EYA1: variants seen among roughly 807,000 people sequenced by gnomAD.
EYA1 encodes the protein protein phosphatase EYA1.
Under a neutral mutation model 82.0 loss-of-function variants are expected in EYA1, and 16 were observed. That is an observed-to-expected ratio of 0.20 (90% CI 0.13 to 0.30). EYA1 has a LOEUF of 0.30. Among genes scored for constraint, EYA1 ranks in the 10% least tolerant of loss-of-function variants. The pLI is 1.00. For synonymous variants in EYA1, 261 were observed against 264.4 expected (o/e 0.99, Z 0.12); for missense variants, 633 against 730.7 (o/e 0.87, Z 1.54).
At chr8:71,542,955 C>G (rs1197369689) in intron 1 of EYA1, among the ~76,000 whole-genome samples, 1 of 152,034 alleles carries the variant, frequency 6.6e-6, no homozygotes, top group Non-Finnish European at 1.5e-5. Flanking sequence ...GGATATTAGA[C>G]TTTTGTCAGA....
At chr8:71,481,312 A>G (rs1185364290) in intron 2 of EYA1, among the ~76,000 whole-genome samples, 1 of 152,202 alleles carries the variant, frequency 6.6e-6, no homozygotes, top group Non-Finnish European at 1.5e-5. Flanking sequence ...TTTATTTATA[A>G]AAATAGCAAG....
intron 2 of EYA1, among the ~76,000 whole-genome samples, chr8:71,454,842 A>T (rs1219091509): frequency 6.6e-6 from 1 of 152,244 alleles, no homozygotes; most frequent in Non-Finnish European, 1.5e-5. Context: ...TGACACTGTG[A>T]CATCACAATT....
chr8:71,522,204 T>C (rs543748566), intron 2 of EYA1, among the ~76,000 whole-genome samples: 2 of 152,298 alleles, frequency 1.3e-5, no homozygotes, highest in East Asian at 3.9e-4. Context: ...TTTGCCTCCT[T>C]GAATATGGAA....
At chr8:71,272,516 T>C (rs1816669091) in intron 9 of EYA1, among the ~76,000 whole-genome samples, 1 of 152,162 alleles carries the variant, frequency 6.6e-6, no homozygotes, top group South Asian at 2.1e-4. Context: ...CTAGTCCCTT[T>C]GAACCAAACA....
At chr8:71,532,112 C>A (rs965308145) in intron 2 of EYA1, among the ~76,000 whole-genome samples, 1 of 152,168 alleles carries the variant, frequency 6.6e-6, no homozygotes, top group South Asian at 2.1e-4. Context: ...AGTGTTCATA[C>A]GATTAGCTAT....
chr8:71,473,345 C>T (rs968844588), intron 2 of EYA1, among the ~76,000 whole-genome samples: 1 of 106,604 alleles, frequency 9.4e-6, no homozygotes, highest in African/African-American at 3.8e-5. Flanking sequence ...AGAACTTAAA[C>T]AAATTTACAA....
chr8:71,431,479 C>T (rs117505747), intron 2 of EYA1, among the ~76,000 whole-genome samples: 1 of 152,196 alleles, frequency 6.6e-6, no homozygotes, highest in East Asian at 1.9e-4. Flanking sequence ...ATTACTCTGC[C>T]TAGTCCCTGA....
chr8:71,378,646 G>T (rs1277325517), intron 2 of EYA1, among the ~76,000 whole-genome samples: 2 of 152,140 alleles, frequency 1.3e-5, no homozygotes, highest in Admixed American at 1.3e-4. Flanking sequence ...GAAGACACCA[G>T]AAAACTTTAT....
At chr8:71,214,847 T>C (rs1443052274) in intron 16 of EYA1, among the ~76,000 whole-genome samples, 1 of 152,242 alleles carries the variant, frequency 6.6e-6, no homozygotes, top group Non-Finnish European at 1.5e-5. Context: ...CCTATGTTGA[T>C]TCTGCCTTGA....
At chr8:71,446,303 T>C (rs577278357) in intron 2 of EYA1, among the ~76,000 whole-genome samples, 1 of 152,212 alleles carries the variant, frequency 6.6e-6, no homozygotes, top group South Asian at 2.1e-4. Flanking sequence ...GATGTTCTCA[T>C]GATAGTGAGT....
At chr8:71,279,179 T>C (rs1412401655) in intron 9 of EYA1, among the ~76,000 whole-genome samples, 1 of 152,192 alleles carries the variant, frequency 6.6e-6, no homozygotes, top group Non-Finnish European at 1.5e-5. Context: ...TAATCAATAA[T>C]TATATTCTAT....
chr8:71,426,693 C>T (rs1014437340), intron 2 of EYA1, among the ~76,000 whole-genome samples: 6 of 152,192 alleles, frequency 3.9e-5, no homozygotes, highest in African/African-American at 1.4e-4. Flanking sequence ...TACTCAAAAA[C>T]TATTATAATA....
At chr8:71,345,811 A>G (rs1174247230) in intron 3 of EYA1, among the ~76,000 whole-genome samples, 1 of 152,140 alleles carries the variant, frequency 6.6e-6, no homozygotes, top group Non-Finnish European at 1.5e-5. Flanking sequence ...AATACTCCCT[A>G]AGTGCATTTC....
At chr8:71,353,757 T>A (rs1314654618) in intron 3 of EYA1, among the ~76,000 whole-genome samples, 1 of 152,226 alleles carries the variant, frequency 6.6e-6, no homozygotes, top group Admixed American at 6.5e-5. Context: ...TTGTTTATTT[T>A]TTTAAAAAAT....
At chr8:71,206,030 A>C (rs995438523) in intron 17 of EYA1, among the ~76,000 whole-genome samples, 3 of 152,174 alleles carry the variant, frequency 2.0e-5, no homozygotes, top group Admixed American at 6.5e-5. Context: ...CACATATCAG[A>C]ATTATGTGTT....
intron 9 of EYA1, among the ~76,000 whole-genome samples, chr8:71,284,025 C>T (rs1818106265): frequency 5.3e-5 from 8 of 152,246 alleles, no homozygotes; most frequent in Admixed American, 5.2e-4. Context: ...CACCTGCCTG[C>T]TCCCACCTCA....
At chr8:71,545,558 CTTTTTTT>C (rs34093503) in intron 1 of EYA1, among the ~76,000 whole-genome samples, 1 of 100,322 alleles carries the variant, frequency 1.0e-5, no homozygotes, top group South Asian at 3.3e-4. Flanking sequence ...TATTTTGTTC[CTTTTTTT>C]TTTTTTTTTT....
At chr8:71,469,935 T>G (rs1439120532) in intron 2 of EYA1, among the ~76,000 whole-genome samples, 1 of 152,088 alleles carries the variant, frequency 6.6e-6, no homozygotes, top group Non-Finnish European at 1.5e-5. Flanking sequence ...TGAGGGTCCC[T>G]GAATTGCCCC....
chr8:71,301,205 C>T (rs1820162050), intron 7 of EYA1, among the ~76,000 whole-genome samples: 1 of 152,092 alleles, frequency 6.6e-6, no homozygotes, highest in Non-Finnish European at 1.5e-5. Flanking sequence ...TAAGTATTGG[C>T]TTAAGAGTCA....
Sources: allele counts gnomAD v4.1 joint callset (sites outside exome capture counted in the v4.1 genomes callset), GRCh38; gene constraint gnomAD v4.1.1; transcripts MANE v1.5; gene names NCBI Gene and HGNC (gene_info 2026-07-23, HGNC 2026-07-21).